The following FRG1 variants were observed in gnomAD, a reference collection of about 807,000 sequenced individuals.
The protein encoded by FRG1 is protein FRG1.
A neutral mutation model predicts 37.0 loss-of-function variants in FRG1; 19 were observed. The ratio of observed to expected loss-of-function variants is 0.51; its 90% CI spans 0.36 to 0.75. FRG1 has a LOEUF of 0.75. FRG1 is among the 30% of genes least tolerant of loss of function. The pLI, the probability that FRG1 is intolerant of heterozygous loss-of-function variation, is 0.00. For missense variants in FRG1, 243 were observed against 301.4 expected (o/e 0.81, Z 1.44); for synonymous variants, 73 against 96.5 (o/e 0.76, Z 1.43).
chr4:189,959,023 G>A (rs952708202), intron 6 of FRG1, among the ~76,000 whole-genome samples: 6 of 152,104 alleles, frequency 3.9e-5, no homozygotes, highest in Admixed American at 2.0e-4. Context: ...TAAGAGAGGG[G>A]GCAAGTGCCT....
At chr4:189,942,638 C>T (rs2126796057) in intron 1 of FRG1, among the ~76,000 whole-genome samples, 1 of 152,178 alleles carries the variant, frequency 6.6e-6, no homozygotes, top group African/African-American at 2.4e-5. Context: ...CCCTTTTTGG[C>T]TATTGTGACT....
Position 189,955,099 on chromosome 4 carries a change from G to A in FRG1, c.380G>A (p.Gly127Glu). Reference protein sequence around the residue: ...LGINSDGLVVGRSDAIGPREQ... With the variant: ...LGINSDGLVVERSDAIGPREQ... ...ATAAATTCAGATGGACTTGTTGTTG[G>A]GCGTTCAGATGCAATTGGACCAAGA... The change falls in exon 5 of 9, where the codon GGG becomes GAG. Residue 127 changes from glycine to glutamate, a missense_variant. By Grantham distance (98) the Gly-to-Glu change is moderately conservative (BLOSUM62 -2). Transcript: ENST00000226798. 1 of 1,613,426 alleles carries A rather than the reference G, an allele frequency of 6.2e-7. No individual in the cohort carries two copies. The highest frequency in any genetic ancestry group is 8.5e-7 in the Non-Finnish European group (1 of 1,179,554).
In FRG1 at chr4:189,963,078, T is replaced by G; in HGVS notation, c.741-15T>G. ...GTTTTACATAGATTAATTTTATTTTTCTTTGTTTAAACAGGAGAGCCAAAT... is the reference window on the plus strand; with the variant it reads ...GTTTTACATAGATTAATTTTATTTTGCTTTGTTTAAACAGGAGAGCCAAAT... On this transcript the variant is annotated splice_polypyrimidine_tract_variant and intron_variant, in intron 8 of 8. Transcript: ENST00000226798. The G allele has an allele frequency of 4.4e-6, 7 of 1,591,882 alleles. No homozygotes were observed. The highest frequency in any genetic ancestry group is 6.0e-6 in the Non-Finnish European group (7 of 1,163,646).
chr4:189,953,337 A>C (rs1736842381), intron 4 of FRG1, among the ~76,000 whole-genome samples: 1 of 152,104 alleles, frequency 6.6e-6, no homozygotes, highest in African/African-American at 2.4e-5. Flanking sequence ...TTAAAAAGTG[A>C]AGATTAATAA....
rs78534537 is a variant in FRG1 at position 189,943,777 on chromosome 4, G to A, written c.133+505G>A. Among the ~76,000 whole-genome samples the A allele has an allele frequency of 6.0e-3, 913 of 152,190 alleles. 8 individuals are homozygous for A. Among genetic ancestry groups the A allele is most frequent in the African/African-American group, 0.021 (875 of 41,522 alleles). ...AACACACTTAACCAGCCTGTTTTCCGTTTAGTTCTTTTCCATACATATTTT... is the reference window on the plus strand; with the variant it reads ...AACACACTTAACCAGCCTGTTTTCCATTTAGTTCTTTTCCATACATATTTT... On this transcript the variant is annotated intron_variant, in intron 2 of 8. Transcript: ENST00000226798.
chr4:189,946,007 T>C (rs1206786879), intron 2 of FRG1, among the ~76,000 whole-genome samples: 1 of 152,216 alleles, frequency 6.6e-6, no homozygotes, highest in Non-Finnish European at 1.5e-5. Flanking sequence ...GAAAATTTCA[T>C]CTAAGTTGTT....
intron 2 of FRG1, 104 bp from the exon 3 acceptor site, chr4:189,952,058 C>A (rs373131731): frequency 1.7e-5 from 13 of 778,960 alleles, no homozygotes; most frequent in Non-Finnish European, 2.6e-5. Context: ...TTATTTCTTA[C>A]AACTGCAAAA....
At chr4:189,946,655 T>C (rs1481508090) in intron 2 of FRG1, among the ~76,000 whole-genome samples, 1 of 152,236 alleles carries the variant, frequency 6.6e-6, no homozygotes, top group Admixed American at 6.5e-5. Context: ...CCTTGTGATT[T>C]TTCTTTTCAT....
intron 7 of FRG1, chr4:189,961,067 A>C (rs549082444): frequency 2.2e-6 from 1 of 451,198 alleles, no homozygotes; most frequent in African/African-American, 2.0e-5. Context: ...CCGTGTCTGA[A>C]AAAATGAAAC....
intron 2 of FRG1, 88 bp from the exon 3 acceptor site, chr4:189,952,074 A>T (rs561389630): frequency 2.2e-6 from 2 of 913,030 alleles, no homozygotes; most frequent in African/African-American, 3.4e-5. Context: ...CAAAATAAGA[A>T]GTTTTTAAAA....
At chr4:189,944,437 TC>T (rs889423340) in intron 2 of FRG1, among the ~76,000 whole-genome samples, 19 of 152,130 alleles carry the variant, frequency 1.2e-4, no homozygotes, top group Admixed American at 7.9e-4. Flanking sequence ...ATTTTTTTTT[TC>T]TTTTATGGTT....
intron 4 of FRG1, among the ~76,000 whole-genome samples, chr4:189,954,222 G>C (rs1445290740): frequency 6.6e-6 from 1 of 151,972 alleles, no homozygotes; most frequent in Non-Finnish European, 1.5e-5. Flanking sequence ...AAAAATGCGT[G>C]ATACAAAACA....
rs1211513120 is a variant in FRG1, at chr4:189,955,089, CTTG to C, written c.377_379del (p.Val126del). The stretch of plus-strand genomic sequence containing the variant: ...ATATCTTGGTATAAATTCAGATGGA[CTTG>C]TTGTTGGGCGTTCAGATGCAATTGG... On this transcript the variant is annotated inframe_deletion, in exon 5 of 9. Coordinates refer to ENST00000226798, the MANE Select transcript of FRG1 (RefSeq NM_004477.3). 2.4e-5 allele frequency: 38 copies of C among 1,613,488 alleles called. No individual in the cohort carries two copies. Among genetic ancestry groups the C allele is most frequent in the African/African-American group, 1.1e-4 (8 of 74,898 alleles).
chr4:189,960,855 C>A lies in FRG1; in HGVS notation c.629+16C>A, dbSNP rs371735713. ...TCAATTATGTGTATGTATTCTTTTC[C>A]TTTTAGACCTACAGATTTGACAGTG... On this transcript the variant is annotated intron_variant, in intron 7 of 8. Coordinates refer to ENST00000226798, the MANE Select transcript of FRG1 (RefSeq NM_004477.3). 3.1e-6 allele frequency: 5 copies of A among 1,602,298 alleles called. No individual in the cohort carries two copies. Among genetic ancestry groups the A allele is most frequent in the Non-Finnish European group, 3.4e-6 (4 of 1,176,748 alleles).
chr4:189,940,914 C>T lies in FRG1; in HGVS notation c.-96C>T, dbSNP rs1736249929. The T allele has an allele frequency of 2.4e-5, 22 of 903,948 alleles. No individual in the cohort carries two copies. Among genetic ancestry groups the T allele is most frequent in the Admixed American group, 8.3e-5 (4 of 48,038 alleles). 56.0% of individuals were successfully genotyped at this position (903,948 alleles called of 1,614,324 possible). ...AGGCTGTCAGGGAGTGTTTATTTCG[C>T]GTCCGCTTCTGTTTCTCCGCGCCCC... On this transcript the variant is annotated 5_prime_UTR_variant, in exon 1 of 9. Coordinates refer to ENST00000226798, the MANE Select transcript of FRG1 (RefSeq NM_004477.3).
intron 5 of FRG1, among the ~76,000 whole-genome samples, chr4:189,957,076 AG>A (rs1737013210): frequency 6.6e-6 from 1 of 152,156 alleles, no homozygotes; most frequent in African/African-American, 2.4e-5. Flanking sequence ...TTGTCTTTAA[AG>A]TTAATTTTTC....
At chr4:189,943,638 TAAAG>T (rs962950380) in intron 2 of FRG1, among the ~76,000 whole-genome samples, 3 of 152,218 alleles carry the variant, frequency 2.0e-5, no homozygotes, top group Non-Finnish European at 4.4e-5. Flanking sequence ...GGTTGTCTCT[TAAAG>T]GAAGTATCTT....
At chr4:189,958,536 T>C (rs1427087171) in intron 6 of FRG1, among the ~76,000 whole-genome samples, 1 of 152,224 alleles carries the variant, frequency 6.6e-6, no homozygotes, top group African/African-American at 2.4e-5. Context: ...TTTTTAAAAT[T>C]TGTGTGCGTC....
At chr4:189,959,784 A>G in intron 6 of FRG1, 2 of 673,292 alleles carry the variant, frequency 3.0e-6, no homozygotes, top group Non-Finnish European at 3.7e-6. Flanking sequence ...TGGTTAGTCA[A>G]GTACCTGGAA....
Sources: allele counts gnomAD v4.1 joint callset (sites outside exome capture counted in the v4.1 genomes callset), GRCh38; gene constraint gnomAD v4.1.1; transcripts MANE v1.5; gene names NCBI Gene and HGNC (gene_info 2026-07-23, HGNC 2026-07-21).